The following ARHGAP32 variants were observed in gnomAD, a reference collection of about 807,000 sequenced individuals.
The protein encoded by ARHGAP32 is Rho GTPase activating protein 32.
ARHGAP32 carries 51 observed loss-of-function variants against 186.5 expected under a neutral mutation model. That is an observed-to-expected ratio of 0.27 (90% CI 0.22 to 0.35). ARHGAP32 has a LOEUF of 0.35. ARHGAP32 is among the 10% of genes least tolerant of loss of function. The pLI is 1.00. For synonymous variants in ARHGAP32, 950 were observed against 964.3 expected, an observed-to-expected ratio of 0.99 and a Z score of 0.27; for missense variants, 2,186 against 2,623.5, an observed-to-expected ratio of 0.83 and a Z score of 3.64.
intron 5 of ARHGAP32, among the ~76,000 whole-genome samples, chr11:129,097,204 C>T (rs908932938): frequency 7.9e-5 from 12 of 152,106 alleles, no homozygotes; most frequent in Non-Finnish European, 2.9e-5. Flanking sequence ...GTGGCTCACA[C>T]CTGTAATCCA....
chr11:129,276,493 G>A (rs920439888), intron 1 of ARHGAP32, among the ~76,000 whole-genome samples: 1 of 152,112 alleles, frequency 6.6e-6, no homozygotes, highest in Admixed American at 6.5e-5. Context: ...TTTCTGTAAA[G>A]ACTGGGCCTC....
intron 1 of ARHGAP32, among the ~76,000 whole-genome samples, chr11:129,245,453 G>A (rs1001568958): frequency 1.3e-5 from 2 of 148,804 alleles, no homozygotes; most frequent in African/African-American, 5.0e-5. Context: ...CTGTTGTGGG[G>A]TGGGGGGACG....
chr11:129,171,656 T>C (rs1943764104), intron 1 of ARHGAP32, among the ~76,000 whole-genome samples: 1 of 152,204 alleles, frequency 6.6e-6, no homozygotes, highest in Non-Finnish European at 1.5e-5. Context: ...CTATATGGGG[T>C]CTTCTTTGAT....
At chr11:128,997,622 T>C (rs1165245339) in intron 12 of ARHGAP32, among the ~76,000 whole-genome samples, 1 of 152,184 alleles carries the variant, frequency 6.6e-6, no homozygotes, top group Non-Finnish European at 1.5e-5. Context: ...AACTCCTTTT[T>C]TTCTTTCCCT....
chr11:129,082,146 G>A (rs1017296513), intron 6 of ARHGAP32, among the ~76,000 whole-genome samples: 14 of 152,032 alleles, frequency 9.2e-5, no homozygotes, highest in South Asian at 2.1e-4. Context: ...ATGCTCATGG[G>A]TAGAATCAAT....
chr11:129,276,046 G>A (rs187054089), intron 1 of ARHGAP32, among the ~76,000 whole-genome samples: 16 of 152,324 alleles, frequency 1.1e-4, no homozygotes, highest in Admixed American at 7.2e-4. Context: ...GGAGGGCAAC[G>A]CAGGAAGATC....
chr11:129,067,367 C>T (rs1940727825), intron 6 of ARHGAP32, among the ~76,000 whole-genome samples: 1 of 152,168 alleles, frequency 6.6e-6, no homozygotes, highest in Middle Eastern at 3.4e-3. Flanking sequence ...TCAGCTCTCC[C>T]TGCCTCTCAG....
At chr11:129,173,594 A>T (rs1013022934) in intron 1 of ARHGAP32, among the ~76,000 whole-genome samples, 1 of 152,252 alleles carries the variant, frequency 6.6e-6, no homozygotes, top group African/African-American at 2.4e-5. Context: ...AATTGAATCC[A>T]GCAGCACATC....
chr11:128,981,440 T>C lies in ARHGAP32; in HGVS notation c.1756A>G (p.Ser586Gly). ...HVDVLFSGRI[S>G]MAMQEGAASL... ...CCTGCCCCCTCTTGCATGGCCATGCTGATTCTGCCGCTGAACAGCACATCA... is the reference window on the plus strand; with the variant it reads ...CCTGCCCCCTCTTGCATGGCCATGCCGATTCTGCCGCTGAACAGCACATCA... Residue 586 changes from serine to glycine, a missense_variant, in exon 17 of 23, where the codon AGC becomes GGC. Around this residue, in one of 5 missense-constraint regions of ARHGAP32, gnomAD observed 263 missense variants for 323.5 expected, o/e 0.81. Transcript: ENST00000682385. The C allele has an allele frequency of 6.2e-7, 1 of 1,610,688 alleles. No individual in the cohort carries two copies. The highest frequency in any genetic ancestry group is 2.2e-5 in the East Asian group (1 of 44,806).
At chr11:129,276,967 A>C (rs1311410281) in intron 1 of ARHGAP32, among the ~76,000 whole-genome samples, 2 of 152,234 alleles carry the variant, frequency 1.3e-5, no homozygotes, top group African/African-American at 4.8e-5. Flanking sequence ...TGGACTTCAC[A>C]ATCATGGGTT....
intron 1 of ARHGAP32, among the ~76,000 whole-genome samples, chr11:129,166,320 AC>A (rs1943640721): frequency 1.3e-5 from 2 of 152,170 alleles, no homozygotes; most frequent in Admixed American, 1.3e-4. Flanking sequence ...ATTTTTTAAA[AC>A]AAGAGAATGT....
intron 2 of ARHGAP32, among the ~76,000 whole-genome samples, chr11:129,132,550 A>G (rs1942836198): frequency 6.6e-6 from 1 of 152,112 alleles, no homozygotes; most frequent in Non-Finnish European, 1.5e-5. Flanking sequence ...AACACCACCT[A>G]TAAAAATCTA....
At chr11:129,207,731 C>T (rs1944532721) in intron 1 of ARHGAP32, among the ~76,000 whole-genome samples, 2 of 151,928 alleles carry the variant, frequency 1.3e-5, no homozygotes, top group African/African-American at 4.8e-5. Context: ...CTGATGTTTT[C>T]TGCCATTTCT....
intron 11 of ARHGAP32, among the ~76,000 whole-genome samples, chr11:129,033,736 T>C (rs983348220): frequency 2.0e-5 from 3 of 152,216 alleles, no homozygotes; most frequent in African/African-American, 7.2e-5. Flanking sequence ...GTAATTCTCC[T>C]GGAATGGATT....
At chr11:128,972,271 A>G in intron 22 of ARHGAP32, 182 bp downstream of exon 22, 1 of 517,950 alleles carries the variant, frequency 1.9e-6, no homozygotes, top group Non-Finnish European at 3.2e-6. Flanking sequence ...TTTCCTGGGG[A>G]AAAGCCAGCA....
upstream of ARHGAP32, among the ~76,000 whole-genome samples, chr11:129,194,544 A>C (rs913433741): frequency 6.6e-6 from 1 of 152,172 alleles, no homozygotes; most frequent in Non-Finnish European, 1.5e-5. Context: ...TGTGTTTTCA[A>C]TGAGGAGTTA....
intron 11 of ARHGAP32, among the ~76,000 whole-genome samples, chr11:129,026,973 C>A (rs1165235481): frequency 2.0e-5 from 3 of 150,918 alleles, no homozygotes; most frequent in African/African-American, 7.3e-5. Flanking sequence ...GTGGCGGGTG[C>A]CTGTAGTCCC....
intron 6 of ARHGAP32, among the ~76,000 whole-genome samples, chr11:129,086,517 A>C (rs10893972): frequency 6.6e-6 from 1 of 152,068 alleles, no homozygotes; most frequent in Non-Finnish European, 1.5e-5. Flanking sequence ...TCGACAGAAA[A>C]TATTTGCAAA....
chr11:128,974,000 GA>G, intron 21 of ARHGAP32, 123 bp downstream of exon 21: 1 of 1,231,174 alleles, frequency 8.1e-7, no homozygotes, highest in Non-Finnish European at 1.1e-6. Flanking sequence ...GCACCACCCA[GA>G]AAAGCATTCT....
Sources: gnomAD v4.1 joint callset for allele counts (sites outside exome capture counted in the v4.1 genomes callset) on GRCh38, gnomAD v4.1.1 for gene constraint, gnomAD v4.1.1 regional missense constraint, MANE v1.5 for transcripts, NCBI Gene and HGNC (gene_info 2026-07-23, HGNC 2026-07-21) for gene names.